The following MTMR3 variants were observed in gnomAD, a reference collection of about 807,000 sequenced individuals.
The protein encoded by MTMR3 is myotubularin related protein 3.
MTMR3 carries 32 observed loss-of-function variants against 132.4 expected under a neutral mutation model. That is an observed-to-expected ratio of 0.24 (90% CI 0.18 to 0.32). The LOEUF is 0.32. Ranked by LOEUF, MTMR3 falls within the 10% of genes least tolerant of loss-of-function variation. The probability of loss-of-function intolerance (pLI) is 1.00; values close to 1 mark genes in which losing one functional copy is unlikely to be tolerated. For missense variants in MTMR3, 1,216 were observed against 1,489.6 expected (o/e 0.82, Z 3.02); for synonymous variants, 556 against 550.3 (o/e 1.01, Z -0.14).
intron 1 of MTMR3, among the ~76,000 whole-genome samples, chr22:29,950,363 A>ATTTTTTTT (rs138439307): frequency 6.7e-6 from 1 of 149,624 alleles, no homozygotes. Flanking sequence ...TTATTTTTTT[A>ATTTTTTTT]TTTATTTTTT....
At position 30,019,687 on chromosome 22, in the gene MTMR3, C is replaced by T. The variant is rs771739115; in HGVS notation, c.2028C>T (p.Ala676=). Residue 676 remains alanine, a synonymous_variant, in exon 17 of 20, where the codon GCC becomes GCT. Coordinates refer to ENST00000401950, the MANE Select transcript of MTMR3 (RefSeq NM_021090.4). ...AGCCCACCAGAGTGCCGGGGGGTGC[C>T]GAGCTTTCTGTTGCAGCCGGAGTAG... The part of the protein sequence containing the change: ...LGKPTRVPGG[A]ELSVAAGVAE... 161 of 1,614,068 alleles carry T rather than the reference C, an allele frequency of 1.0e-4. No homozygotes were observed. The highest frequency in any genetic ancestry group is 1.6e-4 in the Middle Eastern group (1 of 6,084).
chr22:29,967,237 G>GCA lies in MTMR3; in HGVS notation c.-84-3738_-84-3737insAC, dbSNP rs1491387045. Among the ~76,000 whole-genome samples the GCA allele has an allele frequency of 1.2e-4, 4 of 34,458 alleles. No individual in the cohort carries two copies. In the East Asian group the frequency reaches 0.01, roughly 88 times the overall value. 22.6% of individuals were successfully genotyped at this position (34,458 alleles called of 152,430 possible). A position where few individuals can be genotyped will look rare whatever the true frequency, so the allele number is the denominator to read the frequency against. On this transcript the variant is annotated intron_variant, in intron 2 of 19. Coordinates refer to ENST00000401950, the MANE Select transcript of MTMR3 (RefSeq NM_021090.4). ...TGTGTGTGTGTGTGTGTGTGTGCATGCGCGCGCGCGCGCATGTTTTTTAGA... is the reference window on the plus strand; with the variant it reads ...TGTGTGTGTGTGTGTGTGTGTGCATGCACGCGCGCGCGCGCATGTTTTTTAGA...
intron 1 of MTMR3, among the ~76,000 whole-genome samples, chr22:29,942,063 A>G (rs191440004): frequency 6.6e-6 from 1 of 152,286 alleles, no homozygotes; most frequent in East Asian, 1.9e-4. Context: ...CCCTTCTGTG[A>G]CACCTTGGTC....
chr22:29,984,315 G>A (rs1183061844), intron 5 of MTMR3: 1 of 152,148 alleles, frequency 6.6e-6, no homozygotes, highest in Non-Finnish European at 1.5e-5. Flanking sequence ...AGATTCTGGT[G>A]TTTAAAAATA....
At position 29,971,231 on chromosome 22, in the gene MTMR3, A is replaced by ATAAT. The variant is rs565819051; in HGVS notation, c.3+171_3+172insATTA. 4.5e-3 allele frequency among the ~76,000 whole-genome samples: 679 copies of ATAAT among 152,186 alleles called. 6 individuals carry two copies. Among genetic ancestry groups the ATAAT allele is most frequent in the African/African-American group, 0.015 (641 of 41,514 alleles). On this transcript the variant is annotated intron_variant, in intron 3 of 19. Transcript: ENST00000401950. ...TTCTTTTCTTGTTTACTTAGTAGTA[A>ATAAT]TAGAGTACTCCAATATACAGAGCAG...
intron 5 of MTMR3, chr22:29,981,501 C>T (rs1471324515): frequency 2.0e-5 from 3 of 152,108 alleles, no homozygotes; most frequent in Non-Finnish European, 4.4e-5. Flanking sequence ...CTGTTAGCAT[C>T]ATAACCCTCT....
intron 1 of MTMR3, among the ~76,000 whole-genome samples, chr22:29,889,078 G>A (rs879828065): frequency 6.6e-6 from 1 of 151,950 alleles, no homozygotes; most frequent in Non-Finnish European, 1.5e-5. Flanking sequence ...ACTTGAAATA[G>A]GGTTGTTATT....
chr22:29,901,577 C>T (rs2065002636), intron 1 of MTMR3, among the ~76,000 whole-genome samples: 2 of 152,194 alleles, frequency 1.3e-5, no homozygotes, highest in Admixed American at 1.3e-4. Flanking sequence ...AAAATTTCCT[C>T]ATGACCCTTT....
At position 30,013,486 on chromosome 22, in the gene MTMR3, T is replaced by C; in HGVS notation, c.1448T>C (p.Val483Ala). ...GTGTTTCTGCAGTGGCTTGACTGTGTTCATCAGCTTCAGAGGCAATTTCCT... is the reference window on the plus strand; with the variant it reads ...GTGTTTCTGCAGTGGCTTGACTGTGCTCATCAGCTTCAGAGGCAATTTCCT... ...CPVFLQWLDC[V>A]HQLQRQFPCS... is the part of the protein sequence containing the mutation. The change falls in exon 14 of 20, where the codon GTT becomes GCT. Residue 483 changes from valine (V) to alanine (A), a missense_variant. By Grantham distance (64) the Val-to-Ala change is moderately conservative. This residue lies in a region of MTMR3 where 106 missense variants were observed against 209.5 expected (regional missense o/e 0.51). Transcript: ENST00000401950. 1 of 1,614,144 alleles carries C rather than the reference T, an allele frequency of 6.2e-7. No homozygotes were observed. The highest frequency in any genetic ancestry group is 8.5e-7 in the Non-Finnish European group (1 of 1,179,996).
At chr22:29,985,391 C>T (rs2066836034) in intron 5 of MTMR3, 1 of 152,052 alleles carries the variant, frequency 6.6e-6, no homozygotes, top group African/African-American at 2.4e-5. Flanking sequence ...GCCTGCTACT[C>T]AGGAAGCTGA....
At chr22:29,971,225 G>T (rs1309336653) in intron 3 of MTMR3, among the ~76,000 whole-genome samples, 163 bp downstream of exon 3, 1 of 151,468 alleles carries the variant, frequency 6.6e-6, no homozygotes, top group Non-Finnish European at 1.5e-5. Flanking sequence ...TGTTTACTTA[G>T]TAGTAATAGA....
chr22:29,899,012 ACATTACCTTGATG>A (rs575342081), intron 1 of MTMR3, among the ~76,000 whole-genome samples: 207 of 151,958 alleles, frequency 1.4e-3, no homozygotes, highest in African/African-American at 4.6e-3. Context: ...ACATTTTATA[ACATTACCTTGATG>A]GGACAAATTT....
intron 3 of MTMR3, among the ~76,000 whole-genome samples, chr22:29,977,887 CTG>C (rs1253085584): frequency 1.3e-5 from 2 of 152,178 alleles, no homozygotes; most frequent in Non-Finnish European, 2.9e-5. Flanking sequence ...TGGCTCATGT[CTG>C]TTATCGCAGC....
chr22:29,961,977 A>G (rs1247205072), intron 2 of MTMR3, among the ~76,000 whole-genome samples: 1 of 152,252 alleles, frequency 6.6e-6, no homozygotes, highest in Non-Finnish European at 1.5e-5. Flanking sequence ...TATACCATAT[A>G]GCCTAGGTGT....
intron 1 of MTMR3, among the ~76,000 whole-genome samples, chr22:29,939,729 G>A (rs1185237403): frequency 2.6e-5 from 4 of 151,924 alleles, no homozygotes. Context: ...ATGGCCGTAG[G>A]CAGTATGGAC....
intron 1 of MTMR3, among the ~76,000 whole-genome samples, chr22:29,938,068 T>C (rs1044489373): frequency 6.6e-6 from 1 of 152,204 alleles, no homozygotes; most frequent in African/African-American, 2.4e-5. Context: ...TGACCCAGCA[T>C]GGCACTGGAT....
chr22:29,953,502 C>T (rs1474969769), intron 1 of MTMR3, among the ~76,000 whole-genome samples: 1 of 152,086 alleles, frequency 6.6e-6, no homozygotes, highest in Non-Finnish European at 1.5e-5. Flanking sequence ...CTGTGCCCTT[C>T]GTTTTAGTCA....
chr22:30,000,071 G>A (rs1038751416), intron 8 of MTMR3: 2 of 152,116 alleles, frequency 1.3e-5, no homozygotes, highest in African/African-American at 4.8e-5. Flanking sequence ...GTGTAAGTGC[G>A]TTGGTGGGGG....
chr22:29,996,183 A>G (rs746959732), intron 7 of MTMR3: 2 of 152,242 alleles, frequency 1.3e-5, no homozygotes, highest in Non-Finnish European at 2.9e-5. Flanking sequence ...GTTGTAAAAC[A>G]TAATTCTTAT....
Sources: allele counts gnomAD v4.1 joint callset (sites outside exome capture counted in the v4.1 genomes callset), GRCh38; gene constraint gnomAD v4.1.1; regional missense constraint gnomAD v4.1.1; transcripts MANE v1.5; gene names NCBI Gene and HGNC (gene_info 2026-07-23, HGNC 2026-07-21).